Variants in NAALADL2 observed in about 807,000 individuals in gnomAD.
NAALADL2 encodes the protein N-acetylated alpha-linked acidic dipeptidase like 2.
In NAALADL2, 76 loss-of-function variants were observed where a neutral mutation model predicts 87.2. The ratio of observed to expected loss-of-function variants is 0.87; its 90% confidence interval spans 0.72 to 1.05. The LOEUF is 1.05. NAALADL2 is among the 50% of genes least tolerant of loss of function. The pLI is 0.00. For missense variants in NAALADL2, 1,089 were observed against 945.8 expected, an observed-to-expected ratio of 1.15 and a Z score of -1.99; for synonymous variants, 354 against 331.0, an observed-to-expected ratio of 1.07 and a Z score of -0.75.
chr3:174,889,043 A>G (rs180879967), intron 1 of NAALADL2, among the ~76,000 whole-genome samples: 1 of 152,322 alleles, frequency 6.6e-6, no homozygotes, highest in Admixed American at 6.5e-5. Flanking sequence ...AGGGCCCTAC[A>G]TAACTATTTA....
intron 2 of NAALADL2, among the ~76,000 whole-genome samples, chr3:174,636,944 A>T (rs10936811): frequency 0.13 from 20,252 of 152,082 alleles, 1,500 homozygotes; most frequent in South Asian, 0.26. Context: ...AAATGAATGG[A>T]TAAACAAAAT....
At chr3:175,767,314 T>C (rs1394116192) in intron 13 of NAALADL2, among the ~76,000 whole-genome samples, 1 of 152,198 alleles carries the variant, frequency 6.6e-6, no homozygotes, top group African/African-American at 2.4e-5. Flanking sequence ...CACCCCATAG[T>C]CTATAATTAG....
chr3:175,595,689 G>A (rs1722160201), intron 10 of NAALADL2, among the ~76,000 whole-genome samples: 1 of 151,590 alleles, frequency 6.6e-6, no homozygotes, highest in East Asian at 1.9e-4. Flanking sequence ...CCAAGGAAGT[G>A]AAAGATCTTT....
chr3:175,042,720 C>A (rs1450609201), intron 1 of NAALADL2, among the ~76,000 whole-genome samples: 4 of 152,100 alleles, frequency 2.6e-5, no homozygotes, highest in African/African-American at 9.7e-5. Flanking sequence ...ATCTATTGAT[C>A]ACTTGTATGT....
intron 5 of NAALADL2, among the ~76,000 whole-genome samples, chr3:175,395,064 G>T (rs75624360): frequency 1.3e-5 from 2 of 152,040 alleles, no homozygotes; most frequent in Non-Finnish European, 2.9e-5. Flanking sequence ...AAATAAGGAT[G>T]ATTTGAACAC....
At chr3:175,355,644 C>A (rs1764282672) in intron 5 of NAALADL2, among the ~76,000 whole-genome samples, 1 of 152,090 alleles carries the variant, frequency 6.6e-6, no homozygotes, top group Non-Finnish European at 1.5e-5. Flanking sequence ...ACACAGAAAT[C>A]CTGCTCTTTC....
At chr3:174,905,424 A>T (rs1732847991) in intron 1 of NAALADL2, among the ~76,000 whole-genome samples, 1 of 151,040 alleles carries the variant, frequency 6.6e-6, no homozygotes, top group Admixed American at 6.6e-5. Flanking sequence ...TTCACAATTC[A>T]TGTATTTTCA....
chr3:175,273,214 T>C (rs899240854), intron 4 of NAALADL2, among the ~76,000 whole-genome samples: 1 of 152,096 alleles, frequency 6.6e-6, no homozygotes, highest in African/African-American at 2.4e-5. Context: ...TTATTGTAGG[T>C]TGCAATATAA....
At chr3:175,172,286 A>G (rs1580784623) in intron 2 of NAALADL2, among the ~76,000 whole-genome samples, 1 of 152,160 alleles carries the variant, frequency 6.6e-6, no homozygotes, top group African/African-American at 2.4e-5. Context: ...ATTTTAAACC[A>G]TGACTTGAGT....
chr3:175,043,440 C>T (rs9290528), intron 1 of NAALADL2, among the ~76,000 whole-genome samples: 32,286 of 151,914 alleles, frequency 0.21, 3,601 homozygotes, highest in East Asian at 0.37. Flanking sequence ...GATTTTATCA[C>T]ATTTGTCAGG....
At chr3:175,460,747 T>C (rs1178718545) in intron 6 of NAALADL2, among the ~76,000 whole-genome samples, 6 of 152,170 alleles carry the variant, frequency 3.9e-5, no homozygotes, top group South Asian at 4.1e-4. Flanking sequence ...TCAGAAGTTA[T>C]GGGTCTTGGT....
intron 2 of NAALADL2, among the ~76,000 whole-genome samples, chr3:175,158,098 T>C (rs973636890): frequency 6.6e-6 from 1 of 152,122 alleles, no homozygotes; most frequent in Non-Finnish European, 1.5e-5. Flanking sequence ...TCTTTAGACA[T>C]GGAACCAGAA....
intron 1 of NAALADL2, among the ~76,000 whole-genome samples, chr3:175,090,566 ATT>A (rs5854608): frequency 2.0e-4 from 29 of 145,434 alleles, no homozygotes; most frequent in South Asian, 6.6e-4. Context: ...TTCACCAATG[ATT>A]TTTTTTTTTT....
chr3:174,872,403 A>T (rs577264786), intron 1 of NAALADL2, among the ~76,000 whole-genome samples: 11 of 152,296 alleles, frequency 7.2e-5, no homozygotes, highest in African/African-American at 2.6e-4. Flanking sequence ...TTCGGGATTC[A>T]AACTGTCTGA....
At chr3:174,601,272 T>C (rs1456650976) in intron 2 of NAALADL2, among the ~76,000 whole-genome samples, 2 of 152,130 alleles carry the variant, frequency 1.3e-5, no homozygotes, top group Middle Eastern at 3.4e-3. Context: ...TGTGCGAGGG[T>C]TTCCTTTTTC....
At chr3:175,526,750 C>A (rs1002325155) in intron 9 of NAALADL2, among the ~76,000 whole-genome samples, 2 of 152,124 alleles carry the variant, frequency 1.3e-5, no homozygotes, top group South Asian at 4.1e-4. Context: ...TATTGTTCTG[C>A]TTTAATTTGT....
intron 1 of NAALADL2, among the ~76,000 whole-genome samples, chr3:175,016,673 T>A (rs1750868054): frequency 6.6e-6 from 1 of 151,974 alleles, no homozygotes; most frequent in Non-Finnish European, 1.5e-5. Context: ...TTTTAATATT[T>A]AAATGCTACA....
chr3:174,621,779 T>C (rs1379026211), intron 2 of NAALADL2, among the ~76,000 whole-genome samples: 1 of 152,148 alleles, frequency 6.6e-6, no homozygotes, highest in Non-Finnish European at 1.5e-5. Flanking sequence ...GGGCCTTGTA[T>C]GTAATAAGTA....
chr3:174,791,375 A>T (rs1378206120), intron 3 of NAALADL2, among the ~76,000 whole-genome samples: 4 of 152,068 alleles, frequency 2.6e-5, no homozygotes, highest in East Asian at 3.9e-4. Context: ...GTGCTCTTGT[A>T]AAAAAGGCCT....
Sources: allele counts gnomAD v4.1 joint callset (sites outside exome capture counted in the v4.1 genomes callset), GRCh38; gene constraint gnomAD v4.1.1; transcripts MANE v1.5; gene names NCBI Gene and HGNC (gene_info 2026-07-23, HGNC 2026-07-21).